JPH1: variants seen among roughly 807,000 people sequenced by gnomAD.
JPH1 encodes the protein junctophilin 1.
A neutral mutation model predicts 53.6 loss-of-function variants in JPH1; 12 were observed. That is an observed-to-expected ratio of 0.22 (90% CI 0.14 to 0.36). The LOEUF (loss-of-function observed/expected upper bound fraction) is 0.36, where lower values mean the gene tolerates loss of function less well. Ranked by LOEUF, JPH1 falls within the 10% of genes least tolerant of loss-of-function variation. The probability of loss-of-function intolerance (pLI) is 1.00; values close to 1 mark genes in which losing one functional copy is unlikely to be tolerated. For missense variants in JPH1, 808 were observed against 905.5 expected, an observed-to-expected ratio of 0.89 and a Z score of 1.38; for synonymous variants, 375 against 363.8, an observed-to-expected ratio of 1.03 and a Z score of -0.35.
At chr8:74,271,780 G>C (rs1048163866) in intron 2 of JPH1, among the ~76,000 whole-genome samples, 1 of 152,176 alleles carries the variant, frequency 6.6e-6, no homozygotes, top group Non-Finnish European at 1.5e-5. Context: ...GAGTCTTGTG[G>C]GCTGACCAGT....
At chr8:74,299,378 ACGAAC>A (rs1807610558) in intron 2 of JPH1, among the ~76,000 whole-genome samples, 1 of 152,146 alleles carries the variant, frequency 6.6e-6, no homozygotes, top group Admixed American at 6.5e-5. Flanking sequence ...TCTGCACACC[ACGAAC>A]TATAACCTAA....
intron 2 of JPH1, among the ~76,000 whole-genome samples, chr8:74,295,944 A>G (rs1039754313): frequency 1.3e-5 from 2 of 151,576 alleles, no homozygotes; most frequent in African/African-American, 4.9e-5. Flanking sequence ...ATCACTAACC[A>G]CAAAGGACTT....
chr8:74,309,855 T>C (rs1294223868), intron 2 of JPH1, among the ~76,000 whole-genome samples: 1 of 152,208 alleles, frequency 6.6e-6, no homozygotes, highest in East Asian at 1.9e-4. Flanking sequence ...CCAGATATTC[T>C]CTCTTGCCCA....
At chr8:74,257,364 A>G (rs117990436) in intron 3 of JPH1, among the ~76,000 whole-genome samples, 335 of 152,324 alleles carry the variant, frequency 2.2e-3, no homozygotes, top group Non-Finnish European at 4.0e-3. Context: ...AGTCTGGGAA[A>G]CCAAGATGAT....
intron 2 of JPH1, among the ~76,000 whole-genome samples, chr8:74,293,105 C>A (rs1213797292): frequency 1.3e-5 from 2 of 152,166 alleles, no homozygotes; most frequent in Non-Finnish European, 2.9e-5. Context: ...ATAATTTACT[C>A]TTTTCCAGAA....
At chr8:74,261,461 A>C (rs1346968882) in intron 2 of JPH1, among the ~76,000 whole-genome samples, 1 of 152,184 alleles carries the variant, frequency 6.6e-6, no homozygotes, top group Non-Finnish European at 1.5e-5. Flanking sequence ...CAAAACTGCT[A>C]TTTCTAAACC....
chr8:74,321,142 A>G lies in JPH1; in HGVS notation c.146T>C (p.Val49Ala). 6.2e-7 allele frequency: 1 copy of G among 1,612,764 alleles called. No individual in the cohort carries two copies. Among genetic ancestry groups the G allele is most frequent in the Non-Finnish European group, 8.5e-7 (1 of 1,179,620 alleles). ...GCCGCTGGGCCAGGTGTAGCCTCCG[A>G]CCACCTCGAAGCCGTGCGACCAGGA... is the stretch of plus-strand genomic sequence containing the variant. ...SGSWSHGFEV[V>A]GGYTWPSGNT... The change falls in exon 1 of 6, where the codon GTC becomes GCC. Residue 49 changes from valine (V) to alanine (A), a missense_variant. Val to Ala is a moderately conservative substitution (Grantham distance 64). This residue lies in a region of JPH1 where 52 missense variants were observed against 93.6 expected (regional missense o/e 0.56). Coordinates refer to ENST00000342232, the MANE Select transcript of JPH1 (RefSeq NM_020647.4). This position sits in a 1 kb window ranked among gnomAD's most constrained non-coding sequence, Gnocchi z 4.3.
rs184910161 is a variant in JPH1 at position 74,318,812 on chromosome 8, A to G, written c.379+2097T>C. Among the ~76,000 whole-genome samples, 363 of 152,232 alleles carry G rather than the reference A, an allele frequency of 2.4e-3. 2 individuals are homozygous for G. Among genetic ancestry groups the G allele is most frequent in the Non-Finnish European group, 3.2e-3 (217 of 67,992 alleles). Reference sequence around the variant, plus strand: ...AAGCTAATTTTTTAGTGATATTCCTATTTTGGCCAAAACCTTTGTATGAAA... The same window carrying G: ...AAGCTAATTTTTTAGTGATATTCCTGTTTTGGCCAAAACCTTTGTATGAAA... On this transcript the variant is annotated intron_variant, in intron 1 of 5. Transcript: ENST00000342232.
chr8:74,285,623 T>C (rs1339593718), intron 2 of JPH1, among the ~76,000 whole-genome samples: 1 of 140,822 alleles, frequency 7.1e-6, no homozygotes, highest in Non-Finnish European at 1.6e-5. Flanking sequence ...TTCTTCTTTA[T>C]CCCACCTAGT....
At chr8:74,252,097 G>A (rs2131384713) in intron 3 of JPH1, among the ~76,000 whole-genome samples, 1 of 152,256 alleles carries the variant, frequency 6.6e-6, no homozygotes, top group South Asian at 2.1e-4. Flanking sequence ...AATAAATGGT[G>A]CTGGGAAAAC....
chr8:74,308,782 A>C (rs1168419026), intron 2 of JPH1, among the ~76,000 whole-genome samples: 1 of 152,240 alleles, frequency 6.6e-6, no homozygotes, highest in South Asian at 2.1e-4. Flanking sequence ...GGCTTAAAGC[A>C]GAGTGAGGAC....
At chr8:74,310,191 G>A (rs2131458663) in intron 2 of JPH1, among the ~76,000 whole-genome samples, 1 of 151,942 alleles carries the variant, frequency 6.6e-6, no homozygotes, top group South Asian at 2.1e-4. Flanking sequence ...ACTAGAGGTG[G>A]TATGTCAGCT....
chr8:74,254,517 C>A (rs1331914926), intron 3 of JPH1, among the ~76,000 whole-genome samples: 4 of 152,030 alleles, frequency 2.6e-5, no homozygotes, highest in African/African-American at 9.7e-5. Context: ...CACTCCTATT[C>A]AACATAGTGT....
intron 2 of JPH1, among the ~76,000 whole-genome samples, chr8:74,308,272 T>A (rs1021889212): frequency 6.6e-6 from 1 of 152,224 alleles, no homozygotes; most frequent in Non-Finnish European, 1.5e-5. Context: ...TCAATACTTA[T>A]GAAGAATGGA....
intron 2 of JPH1, among the ~76,000 whole-genome samples, chr8:74,294,216 T>C (rs1563414751): frequency 6.6e-6 from 1 of 152,196 alleles, no homozygotes; most frequent in Non-Finnish European, 1.5e-5. Context: ...TTTCTTCTCA[T>C]TGAAGATAAA....
Position 74,236,253 on chromosome 8 carries a change from A to G in JPH1, c.*798T>C, listed in dbSNP as rs944946441. 1 of 152,202 alleles carries G rather than the reference A, an allele frequency of 6.6e-6. No individual in the cohort carries two copies. Among genetic ancestry groups the G allele is most frequent in the African/African-American group, 2.4e-5 (1 of 41,446 alleles). 9.4% of individuals were successfully genotyped at this position (152,202 alleles called of 1,614,324 possible). On this transcript the variant is annotated 3_prime_UTR_variant, in exon 6 of 6. Coordinates refer to ENST00000342232, the MANE Select transcript of JPH1 (RefSeq NM_020647.4). ...CCTTTTACAAGTATAGGAAGAATAA[A>G]TGACATAAAAGATGGTATATTGCTA...
chr8:74,269,613 C>A (rs1806640394), intron 2 of JPH1, among the ~76,000 whole-genome samples: 2 of 152,354 alleles, frequency 1.3e-5, no homozygotes, highest in Admixed American at 6.5e-5. Context: ...GCTCTTGAAA[C>A]TTCTGCTTTA....
chr8:74,303,193 C>T (rs1807734667), intron 2 of JPH1, among the ~76,000 whole-genome samples: 2 of 152,166 alleles, frequency 1.3e-5, no homozygotes, highest in African/African-American at 2.4e-5. Context: ...CTCTGCATGT[C>T]CCGTAAGTCT....
chr8:74,265,250 G>C (rs75523634), intron 2 of JPH1, among the ~76,000 whole-genome samples: 2,698 of 152,258 alleles, frequency 0.018, 86 homozygotes, highest in African/African-American at 0.062. Flanking sequence ...GAATAGCGGT[G>C]TCTACTATTC....
Sources: allele counts gnomAD v4.1 joint callset (sites outside exome capture counted in the v4.1 genomes callset), GRCh38; gene constraint gnomAD v4.1.1; regional missense constraint gnomAD v4.1.1; non-coding constraint Gnocchi (gnomAD v3.1); transcripts MANE v1.5; gene names NCBI Gene and HGNC (gene_info 2026-07-23, HGNC 2026-07-21).